Variants in DST observed in about 807,000 individuals in gnomAD.
DST encodes the protein dystonin.
Under a neutral mutation model 875.2 loss-of-function variants are expected in DST, and 253 were observed. That is an observed-to-expected ratio of 0.29 (90% CI 0.26 to 0.32). DST has a LOEUF of 0.32. Among genes scored for constraint, DST ranks in the 10% least tolerant of loss-of-function variants. The probability of loss-of-function intolerance (pLI) is 1.00; values close to 1 mark genes in which losing one functional copy is unlikely to be tolerated. For synonymous variants in DST, 3,124 were observed against 3,197.1 expected, an observed-to-expected ratio of 0.98 and a Z score of 0.77; for missense variants, 8,287 against 9,111.6, an observed-to-expected ratio of 0.91 and a Z score of 3.68.
At chr6:56,527,001 A>G (rs2096813681) in intron 68 of DST, among the ~76,000 whole-genome samples, 1 of 152,218 alleles carries the variant, frequency 6.6e-6, no homozygotes, top group Non-Finnish European at 1.5e-5. Flanking sequence ...TAGAATCATT[A>G]CAGGCTCAGT....
chr6:56,928,595 C>A (rs1808450462), intron 2 of DST, among the ~76,000 whole-genome samples: 1 of 151,734 alleles, frequency 6.6e-6, no homozygotes, highest in Non-Finnish European at 1.5e-5. Context: ...TACAATTATA[C>A]AAGAGAAATA....
chr6:56,941,452 G>A (rs973201121), intron 2 of DST, among the ~76,000 whole-genome samples: 4 of 152,056 alleles, frequency 2.6e-5, no homozygotes, highest in African/African-American at 9.7e-5. Context: ...CTTCGTGAAT[G>A]AGTCATGTAA....
At chr6:56,646,272 T>G (rs540042220) in intron 13 of DST, 90 bp from the exon 14 acceptor site, 62 of 657,288 alleles carry the variant, frequency 9.4e-5, no homozygotes, top group South Asian at 8.9e-4. Context: ...TGTTATGTAC[T>G]GTATCATATG....
In DST at chr6:56,631,400, G is replaced by A. The variant is rs371499560; in HGVS notation, c.3964-11C>T. On this transcript the variant is annotated splice_polypyrimidine_tract_variant and intron_variant, in intron 29 of 103. Coordinates refer to ENST00000680361, the MANE Select transcript of DST (RefSeq NM_001374736.1). ...CTCTTTCTTTAGTTTCTATAAAACAGAGAACAAACAAAGGTATCAGGCCAT... is the reference window on the plus strand; with the variant it reads ...CTCTTTCTTTAGTTTCTATAAAACAAAGAACAAACAAAGGTATCAGGCCAT... The A allele has an allele frequency of 5.1e-4, 830 of 1,612,372 alleles. 1 individual carries two copies. Among genetic ancestry groups the A allele is most frequent in the Middle Eastern group, 9.9e-4 (6 of 6,056 alleles).
chr6:56,498,025 T>C lies in DST; in HGVS notation c.19925A>G (p.Gln6642Arg), dbSNP rs1213225000. The C allele has an allele frequency of 6.2e-7, 1 of 1,613,170 alleles. No homozygotes were observed. Among genetic ancestry groups the C allele is most frequent in the African/African-American group, 1.3e-5 (1 of 74,892 alleles). The change falls in exon 81 of 104, where the codon CAG (glutamine) becomes CGG (arginine). Residue 6642 changes from glutamine to arginine, a missense_variant. Gln to Arg is a conservative substitution (Grantham distance 43). Coordinates refer to ENST00000680361, the MANE Select transcript of DST (RefSeq NM_001374736.1). Reference sequence around the variant, plus strand: ...TTTATTAACGGCTTCCACTGTGGACTGATGGGCTAATACATCATTTTGGAG... The same window carrying C: ...TTTATTAACGGCTTCCACTGTGGACCGATGGGCTAATACATCATTTTGGAG... ...HVLQNDVLAH[Q>R]STVEAVNKAG...
chr6:56,883,801 A>G (rs952113324), intron 3 of DST, among the ~76,000 whole-genome samples: 2 of 152,150 alleles, frequency 1.3e-5, no homozygotes, highest in African/African-American at 2.4e-5. Flanking sequence ...TAAAGCCAAT[A>G]TGAGGGATTT....
chr6:56,517,729 C>T (rs982625153), intron 69 of DST, 109 bp from the exon 70 acceptor site: 7 of 1,307,120 alleles, frequency 5.4e-6, no homozygotes, highest in Non-Finnish European at 7.2e-6. Flanking sequence ...AAAATCCGAG[C>T]TTGTCTCCTC....
Position 56,529,512 on chromosome 6 carries a change from A to C in DST, c.17531T>G (p.Leu5844Arg). ...MNWLNEVHDK[L>R]SKLSVQDYST... is the part of the protein sequence containing the mutation. ...GTAATCCTGGACTGAGAGCTTGCTC[A>C]GTTTGTCATGCACTTCATTCAGCCA... The change falls in exon 66 of 104, where the codon CTG (leucine) becomes CGG (arginine). Residue 5844 changes from leucine (L) to arginine (R), a missense_variant. Transcript: ENST00000680361. The C allele has an allele frequency of 6.2e-7, 1 of 1,611,266 alleles. No homozygotes were observed. Among genetic ancestry groups the C allele is most frequent in the Non-Finnish European group, 8.5e-7 (1 of 1,178,450 alleles).
At chr6:56,615,976 C>G (rs145891100) in intron 36 of DST, 3 of 1,614,116 alleles carry the variant, frequency 1.9e-6, no homozygotes, top group Non-Finnish European at 1.7e-6. Flanking sequence ...CCACCCGGTA[C>G]TTTTTGCCAG....
rs183257700 is a variant in DST at position 56,506,712 on chromosome 6, T to C, written c.19317A>G (p.Ala6439=). The change falls in exon 76 of 104, where the codon GCA becomes GCG. Residue 6439 remains alanine, a synonymous_variant. Transcript: ENST00000680361. The part of the protein sequence containing the change: ...VINLGSELIA[A]CGEPDKPIVK... The stretch of plus-strand genomic sequence containing the variant: ...CAATGGGTTTATCAGGCTCCCCACA[T>C]GCCGCAATGAGTTCAGAACCTAGGT... 1.1e-4 allele frequency: 176 copies of C among 1,613,688 alleles called. No individual in the cohort carries two copies. Among genetic ancestry groups the C allele is most frequent in the Non-Finnish European group, 1.5e-4 (173 of 1,179,710 alleles).
At chr6:56,921,784 C>T (rs959295943) in intron 2 of DST, among the ~76,000 whole-genome samples, 3 of 151,816 alleles carry the variant, frequency 2.0e-5, no homozygotes, top group South Asian at 2.1e-4. Flanking sequence ...TGAAGACTAC[C>T]GGCAGAAAAG....
At chr6:56,660,786 C>G (rs2099036216) in intron 10 of DST, among the ~76,000 whole-genome samples, 1 of 150,926 alleles carries the variant, frequency 6.6e-6, no homozygotes, top group African/African-American at 2.4e-5. Context: ...TACAAAGTGA[C>G]TCTCCATTAA....
chr6:56,920,188 T>C (rs1475138371), intron 2 of DST, among the ~76,000 whole-genome samples: 2 of 152,096 alleles, frequency 1.3e-5, no homozygotes, highest in Non-Finnish European at 1.5e-5. Context: ...AACCAAGGGA[T>C]CTAAGAACCC....
In DST at chr6:56,463,702, C is replaced by A. The variant is rs753485138; in HGVS notation, c.22822G>T (p.Gly7608Cys). 10 of 1,613,812 alleles carry A rather than the reference C, an allele frequency of 6.2e-6. No individual in the cohort carries two copies. Among genetic ancestry groups the A allele is most frequent in the Admixed American group, 3.3e-5 (2 of 60,000 alleles). The change falls in exon 101 of 104, where the codon GGT (glycine) becomes TGT (cysteine). Residue 7608 changes from glycine (G) to cysteine (C), a missense_variant. Gly to Cys is a radical substitution (Grantham distance 159). Transcript: ENST00000680361. Reference sequence around the variant, plus strand: ...CCTCGGGGTCGGAAAGCAGCCATACCCTGGCTGGCACCATCTGCTAAAATG... The same window carrying A: ...CCTCGGGGTCGGAAAGCAGCCATACACTGGCTGGCACCATCTGCTAAAATG... ...KFILADGASQ[G>C]MAAFRPRGRR...
Position 56,609,153 on chromosome 6 carries a change from G to A in DST, c.5475C>T (p.Gly1825=). ...CFDLKDAKSH[G]LIDEQILCQL... ...GGCACAGAATTTGTTCATCAATAAG[G>A]CCATGACTTTTGGCATCTTTAAGGT... Residue 1825 remains glycine (G), a synonymous_variant, in exon 40 of 104, where the codon GGC becomes GGT. Transcript: ENST00000680361. 1.2e-6 allele frequency: 2 copies of A among 1,613,770 alleles called. No homozygotes were observed. Among genetic ancestry groups the A allele is most frequent in the Non-Finnish European group, 1.7e-6 (2 of 1,179,764 alleles).
Position 56,614,361 on chromosome 6 carries a change from G to T in DST, c.5053C>A (p.Gln1685Lys), listed in dbSNP as rs549777104. Reference sequence around the variant, plus strand: ...ACCAGGACTTCTGTGAATACCTTTTGCTTAGAGAAGGGAGGTTTTCCAGCC... The same window carrying T: ...ACCAGGACTTCTGTGAATACCTTTTTCTTAGAGAAGGGAGGTTTTCCAGCC... ...EKAGKPPFSK[Q>K]KISSEEISTK... The change falls in exon 37 of 104, where the codon CAA (glutamine) becomes AAA (lysine). Residue 1685 changes from glutamine to lysine, a missense_variant. Physicochemically the swap from Gln to Lys is moderately conservative, Grantham distance 53 (BLOSUM62 1). Coordinates refer to ENST00000680361, the MANE Select transcript of DST (RefSeq NM_001374736.1). 1.2e-6 allele frequency: 2 copies of T among 1,602,984 alleles called. No individual in the cohort carries two copies. The highest frequency in any genetic ancestry group is 1.3e-5 in the African/African-American group (1 of 74,468).
At chr6:56,586,374 C>A (rs1226231106) in intron 49 of DST, among the ~76,000 whole-genome samples, 2 of 151,284 alleles carry the variant, frequency 1.3e-5, no homozygotes, top group East Asian at 3.9e-4. Flanking sequence ...CTCTTTTGAT[C>A]TTTGTTGGTT....
At chr6:56,836,855 A>AAG (rs2099794260) in intron 4 of DST, among the ~76,000 whole-genome samples, 1 of 141,396 alleles carries the variant, frequency 7.1e-6, no homozygotes, top group African/African-American at 2.8e-5. Context: ...CATCTCAAAA[A>AAG]AAAAAAAAGA....
At chr6:56,609,948 T>C (rs972703659) in intron 39 of DST, among the ~76,000 whole-genome samples, 1 of 152,194 alleles carries the variant, frequency 6.6e-6, no homozygotes, top group African/African-American at 2.4e-5. Context: ...AAAGTTTAAG[T>C]ACCAGCCAAA....
Sources: allele counts gnomAD v4.1 joint callset (sites outside exome capture counted in the v4.1 genomes callset), GRCh38; gene constraint gnomAD v4.1.1; transcripts MANE v1.5; gene names NCBI Gene and HGNC (gene_info 2026-07-23, HGNC 2026-07-21).